The following NR2E1 variants were observed in gnomAD, a reference collection of about 807,000 sequenced individuals.
The protein encoded by NR2E1 is nuclear receptor subfamily 2 group E member 1, also known as nuclear receptor TLX.
A neutral mutation model predicts 43.6 loss-of-function variants in NR2E1; 5 were observed. That is an observed-to-expected ratio of 0.11 (90% CI 0.06 to 0.24). The LOEUF is 0.24. NR2E1 is among the 10% of genes least tolerant of loss of function. The probability of loss-of-function intolerance (pLI) is 1.00; values close to 1 mark genes in which losing one functional copy is unlikely to be tolerated. For missense variants in NR2E1, 287 were observed against 496.7 expected (o/e 0.58, Z 4.01); for synonymous variants, 191 against 195.5 (o/e 0.98, Z 0.19).
At chr6:108,173,340 A>G (rs1773842645) in intron 2 of NR2E1, among the ~76,000 whole-genome samples, 1 of 152,236 alleles carries the variant, frequency 6.6e-6, no homozygotes, top group South Asian at 2.1e-4. Context: ...ACAAGTTTTA[A>G]AAAACCTGTT....
chr6:108,171,713 C>G, intron 2 of NR2E1, 110 bp downstream of exon 2: 1 of 1,379,548 alleles, frequency 7.2e-7, no homozygotes, highest in Non-Finnish European at 1.0e-6. Flanking sequence ...AGACCCGGCC[C>G]TGACCTCTCC....
chr6:108,176,437 G>T, intron 3 of NR2E1, 66 bp from the exon 4 acceptor site: 2 of 1,512,650 alleles, frequency 1.3e-6, no homozygotes, highest in Non-Finnish European at 9.1e-7. Context: ...GCTGGGGGGA[G>T]AGCCGCAGCG....
At position 108,166,777 on chromosome 6, in the gene NR2E1, A is replaced by G. The variant is rs774639070; in HGVS notation, c.12A>G (p.Pro4=). 3.5e-5 allele frequency: 56 copies of G among 1,590,996 alleles called. No homozygotes were observed. The highest frequency in any genetic ancestry group is 4.5e-5 in the Non-Finnish European group (53 of 1,172,646). The change falls in exon 1 of 9, where the codon CCA becomes CCG. Residue 4 remains proline (P), a synonymous_variant. Coordinates refer to ENST00000368986, the MANE Select transcript of NR2E1 (RefSeq NM_003269.5). This position sits in a 1 kb window ranked among gnomAD's most constrained non-coding sequence, Gnocchi z 7.2. ...CCGGGACAGCCAGCATGAGCAAGCC[A>G]GCCGGATCAACAAGTGGGTACCTCT... MSK[P]AGSTSRILDI...
At chr6:108,174,686 G>A (rs1773867449) in intron 2 of NR2E1, 150 bp from the exon 3 acceptor site, 2 of 668,922 alleles carry the variant, frequency 3.0e-6, no homozygotes, top group Non-Finnish European at 5.4e-6. Context: ...CATGCCCAAG[G>A]CCCTCGCGTT....
chr6:108,185,983 G>A (rs906679530), intron 8 of NR2E1, among the ~76,000 whole-genome samples: 1 of 152,144 alleles, frequency 6.6e-6, no homozygotes, highest in African/African-American at 2.4e-5. Context: ...CACTGCCTCC[G>A]ACTTGCTGAA....
intron 7 of NR2E1, 94 bp from the exon 8 acceptor site, chr6:108,181,452 C>T (rs975787936): frequency 6.4e-5 from 68 of 1,069,038 alleles, no homozygotes; most frequent in Non-Finnish European, 9.4e-5. Context: ...CCTCGGCCTC[C>T]CAAAGTGCTG....
At chr6:108,174,638 C>T (rs1773866628) in intron 2 of NR2E1, among the ~76,000 whole-genome samples, 198 bp from the exon 3 acceptor site, 3 of 152,150 alleles carry the variant, frequency 2.0e-5, no homozygotes, top group Admixed American at 6.5e-5. Flanking sequence ...CTTGAAGTAG[C>T]CTGGGACGTC....
At chr6:108,181,786 A>G (rs1773994936) in intron 8 of NR2E1, 135 bp downstream of exon 8, 2 of 739,670 alleles carry the variant, frequency 2.7e-6, no homozygotes, top group Non-Finnish European at 4.8e-6. Context: ...GGGAGAATCC[A>G]TGTCCTTACC....
intron 5 of NR2E1, among the ~76,000 whole-genome samples, chr6:108,179,588 T>G (rs1773953153): frequency 1.3e-5 from 2 of 151,382 alleles, no homozygotes; most frequent in Non-Finnish European, 2.9e-5. Context: ...CCAAACAAAA[T>G]TTACTTACTG....
At chr6:108,177,422 C>T (rs1773917647) in intron 4 of NR2E1, among the ~76,000 whole-genome samples, 1 of 152,214 alleles carries the variant, frequency 6.6e-6, no homozygotes, top group Non-Finnish European at 1.5e-5. Flanking sequence ...CAGCTGATAC[C>T]TACTAACACC....
At chr6:108,176,934 T>C (rs1011557209) in intron 4 of NR2E1, among the ~76,000 whole-genome samples, 196 bp downstream of exon 4, 26 of 152,194 alleles carry the variant, frequency 1.7e-4, no homozygotes, top group African/African-American at 6.0e-4. Context: ...GAGTGTACAG[T>C]AGAGTCAACC....
chr6:108,185,386 A>ACACACACACACG (rs535866457), intron 8 of NR2E1, among the ~76,000 whole-genome samples: 6,298 of 131,108 alleles, frequency 0.048, 183 homozygotes, highest in South Asian at 0.12. Context: ...TCTAACACAC[A>ACACACACACACG]CACACACACA....
Position 108,180,709 on chromosome 6 carries a change from AT to A in NR2E1, c.740-96del. 1 of 1,134,730 alleles carries A rather than the reference AT, an allele frequency of 8.8e-7. No homozygotes were observed. Among genetic ancestry groups the A allele is most frequent in the African/African-American group, 1.5e-5 (1 of 65,126 alleles). 70.3% of individuals were successfully genotyped at this position (1,134,730 alleles called of 1,614,324 possible). On this transcript the variant is annotated intron_variant, in intron 6 of 8. Coordinates refer to ENST00000368986, the MANE Select transcript of NR2E1 (RefSeq NM_003269.5). The surrounding 1 kb of genome is among the most constrained non-coding windows in gnomAD (Gnocchi z 5.4). ...TGGAATCAGATATCTTAGAGTGACA[AT>A]TGAATAGATATTGATATGCAGGATT...
intron 8 of NR2E1, among the ~76,000 whole-genome samples, chr6:108,185,714 A>G (rs1774066345): frequency 6.6e-6 from 1 of 152,228 alleles, no homozygotes; most frequent in South Asian, 2.1e-4. Context: ...TGTTTCTGGT[A>G]GTAGTACAGT....
intron 8 of NR2E1, among the ~76,000 whole-genome samples, chr6:108,182,297 G>A (rs1400144167): frequency 4.0e-5 from 6 of 151,202 alleles, no homozygotes; most frequent in Non-Finnish European, 7.4e-5. Flanking sequence ...ATGTGAGAGA[G>A]TGGCCACATC....
chr6:108,168,415 G>A (rs993059997), intron 1 of NR2E1, among the ~76,000 whole-genome samples: 5 of 152,238 alleles, frequency 3.3e-5, no homozygotes, highest in African/African-American at 4.8e-5. Flanking sequence ...AGGCCTCAGA[G>A]GCGAGGGAGG....
rs1773715116 is a variant in NR2E1 at position 108,166,756 on chromosome 6, G to A, written c.-10G>A. On this transcript the variant is annotated 5_prime_UTR_variant, in exon 1 of 9. Transcript: ENST00000368986. The surrounding 1 kb of genome is among the most constrained non-coding windows in gnomAD (Gnocchi z 7.2). ...GCGCCCACCAACCGCTCCGCCCCGGGACAGCCAGCATGAGCAAGCCAGCCG... is the reference window on the plus strand; with the variant it reads ...GCGCCCACCAACCGCTCCGCCCCGGAACAGCCAGCATGAGCAAGCCAGCCG... The A allele has an allele frequency of 1.9e-6, 3 of 1,576,962 alleles. No individual in the cohort carries two copies. The highest frequency in any genetic ancestry group is 2.3e-5 in the East Asian group (1 of 43,612).
At position 108,180,200 on chromosome 6, in the gene NR2E1, A is replaced by G. The variant is rs1582448269; in HGVS notation, c.643-123A>G. The stretch of plus-strand genomic sequence containing the variant: ...AAAATAAGGGAAAGCTAGAATATTC[A>G]GAAAAAATTACCAAGACAGGCATTT... On this transcript the variant is annotated intron_variant, in intron 5 of 8. Transcript: ENST00000368986. The surrounding 1 kb of genome is among the most constrained non-coding windows in gnomAD (Gnocchi z 5.4). 1 of 711,920 alleles carries G rather than the reference A, an allele frequency of 1.4e-6. No individual in the cohort carries two copies. Among genetic ancestry groups the G allele is most frequent in the East Asian group, 2.8e-5 (1 of 35,912 alleles). 44.1% of individuals were successfully genotyped at this position (711,920 alleles called of 1,614,324 possible).
At chr6:108,174,302 G>T (rs1344897072) in intron 2 of NR2E1, among the ~76,000 whole-genome samples, 1 of 152,138 alleles carries the variant, frequency 6.6e-6, no homozygotes, top group East Asian at 1.9e-4. Context: ...ATAGATAAAC[G>T]GGCTCTCCCA....
Sources: allele counts gnomAD v4.1 joint callset (sites outside exome capture counted in the v4.1 genomes callset), GRCh38; gene constraint gnomAD v4.1.1; non-coding constraint Gnocchi (gnomAD v3.1); transcripts MANE v1.5; gene names NCBI Gene and HGNC (gene_info 2026-07-23, HGNC 2026-07-21).